TESK2: variants seen among roughly 807,000 people sequenced by gnomAD.
TESK2 encodes the protein dual specificity testis-specific protein kinase 2.
TESK2 carries 39 observed loss-of-function variants against 57.1 expected under a neutral mutation model. The observed-to-expected ratio is 0.68, with a 90% confidence interval of 0.53 to 0.89. TESK2 has a LOEUF of 0.89. Among genes scored for constraint, TESK2 ranks in the 40% least tolerant of loss-of-function variants. The pLI, the probability that TESK2 is intolerant of heterozygous loss-of-function variation, is 0.00. For missense variants in TESK2, 646 were observed against 732.1 expected (o/e 0.88, Z 1.36); for synonymous variants, 249 against 267.9 (o/e 0.93, Z 0.69).
chr1:45,430,885 G>T (rs535417281), intron 2 of TESK2, among the ~76,000 whole-genome samples: 2 of 152,306 alleles, frequency 1.3e-5, no homozygotes, highest in East Asian at 3.9e-4. Flanking sequence ...TTAGCGTAAA[G>T]AGCTACAGTT....
chr1:45,381,447 T>C (rs1648649135), intron 4 of TESK2, among the ~76,000 whole-genome samples: 1 of 152,166 alleles, frequency 6.6e-6, no homozygotes, highest in Non-Finnish European at 1.5e-5. Flanking sequence ...TGAAAATCAG[T>C]TGTGCAAATG....
intron 3 of TESK2, among the ~76,000 whole-genome samples, chr1:45,411,770 G>A (rs368901929): frequency 6.6e-6 from 1 of 152,152 alleles, no homozygotes; most frequent in Non-Finnish European, 1.5e-5. Context: ...CTGCCTCTTT[G>A]GCATGGCTGG....
Position 45,347,664 on chromosome 1 carries a change from C to CCCA in TESK2, c.650_652dup (p.Val217dup). The CCCA allele has an allele frequency of 6.2e-7, 1 of 1,614,114 alleles. No individual in the cohort carries two copies. Among genetic ancestry groups the CCCA allele is most frequent in the Non-Finnish European group, 8.5e-7 (1 of 1,180,018 alleles). ...CTCAGGTGCCATCCAGAATGGGGAA[C>CCCA]CCACCACGGCCAGCTTCTCACTCCC... On this transcript the variant is annotated inframe_insertion, in exon 7 of 11. Transcript: ENST00000372086.
chr1:45,449,400 G>C (rs970798101), intron 2 of TESK2, among the ~76,000 whole-genome samples: 4 of 152,108 alleles, frequency 2.6e-5, no homozygotes, highest in African/African-American at 4.8e-5. Context: ...ACACATGCGT[G>C]TTGACAGCAG....
intron 4 of TESK2, among the ~76,000 whole-genome samples, chr1:45,380,018 C>A (rs1358034992): frequency 1.3e-5 from 2 of 152,202 alleles, no homozygotes; most frequent in South Asian, 4.1e-4. Context: ...CCTGCCTCAG[C>A]CTCCGGAGTA....
chr1:45,485,428 C>T (rs1019567844), intron 1 of TESK2, among the ~76,000 whole-genome samples: 6 of 152,046 alleles, frequency 3.9e-5, no homozygotes, highest in Non-Finnish European at 7.4e-5. Flanking sequence ...ACCTCGTGAT[C>T]CGCCCGCCTC....
chr1:45,448,250 A>AG (rs1332500943), intron 2 of TESK2, among the ~76,000 whole-genome samples: 2 of 149,764 alleles, frequency 1.3e-5, no homozygotes, highest in African/African-American at 2.4e-5. Context: ...AAAAAAAAAA[A>AG]AAAAAGAAAA....
intron 2 of TESK2, among the ~76,000 whole-genome samples, chr1:45,436,986 T>C (rs180740777): frequency 1.5e-4 from 22 of 150,666 alleles, no homozygotes; most frequent in Admixed American, 7.3e-4. Context: ...TTAGTAGAGA[T>C]AGGGTTTCAC....
intron 3 of TESK2, among the ~76,000 whole-genome samples, chr1:45,405,789 T>G (rs1450609948): frequency 6.6e-6 from 1 of 151,872 alleles, no homozygotes; most frequent in Non-Finnish European, 1.5e-5. Context: ...GAGGATGATT[T>G]TAGCCCAGCA....
chr1:45,417,717 G>A (rs764861245), intron 3 of TESK2, among the ~76,000 whole-genome samples: 116 of 151,562 alleles, frequency 7.7e-4, no homozygotes, highest in Non-Finnish European at 1.4e-3. Flanking sequence ...TCAGCCTCCC[G>A]AGTGGCTGGG....
At chr1:45,404,845 T>C (rs1649771907) in intron 3 of TESK2, among the ~76,000 whole-genome samples, 1 of 152,084 alleles carries the variant, frequency 6.6e-6, no homozygotes, top group Admixed American at 6.6e-5. Flanking sequence ...ACCAGGCCTA[T>C]TTCTATTTTA....
chr1:45,463,585 T>A (rs1421391219), intron 1 of TESK2, among the ~76,000 whole-genome samples: 1 of 152,242 alleles, frequency 6.6e-6, no homozygotes, highest in Middle Eastern at 3.4e-3. Context: ...TCTGGTTTTT[T>A]GTTTTTGTTT....
At chr1:45,454,916 C>A (rs1652012981) in intron 2 of TESK2, among the ~76,000 whole-genome samples, 1 of 152,020 alleles carries the variant, frequency 6.6e-6, no homozygotes, top group Admixed American at 6.6e-5. Flanking sequence ...ATTATATTAA[C>A]CCACTTATAT....
intron 3 of TESK2, among the ~76,000 whole-genome samples, chr1:45,394,877 G>T (rs556684783): frequency 6.6e-6 from 1 of 150,936 alleles, no homozygotes; most frequent in Admixed American, 6.6e-5. Context: ...TAGTAGAGAC[G>T]GGGTGTTTCA....
chr1:45,477,492 G>A (rs1318346701), intron 1 of TESK2, among the ~76,000 whole-genome samples: 1 of 151,744 alleles, frequency 6.6e-6, no homozygotes, highest in Non-Finnish European at 1.5e-5. Context: ...CATGATGGCG[G>A]GTGCCTGTAA....
At chr1:45,429,553 T>A (rs1650863494) in intron 2 of TESK2, among the ~76,000 whole-genome samples, 1 of 152,094 alleles carries the variant, frequency 6.6e-6, no homozygotes, top group Admixed American at 6.6e-5. Flanking sequence ...TGACAAAATT[T>A]ATCAAAATGC....
At chr1:45,386,891 A>T (rs376962058) in intron 3 of TESK2, among the ~76,000 whole-genome samples, 1 of 152,042 alleles carries the variant, frequency 6.6e-6, no homozygotes, top group Non-Finnish European at 1.5e-5. Context: ...TGACCTTGTG[A>T]TCCACCCGCC....
chr1:45,396,343 G>A (rs559173590), intron 3 of TESK2, among the ~76,000 whole-genome samples: 21 of 151,766 alleles, frequency 1.4e-4, no homozygotes, highest in East Asian at 3.9e-4. Context: ...TGATCCACCC[G>A]CCTCAGCCTC....
chr1:45,425,568 T>C (rs1043969989), intron 2 of TESK2, among the ~76,000 whole-genome samples: 9 of 151,934 alleles, frequency 5.9e-5, no homozygotes, highest in African/African-American at 1.9e-4. Context: ...GGTGGGAGGA[T>C]TGCTTGAGCC....
Sources: gnomAD v4.1 joint callset for allele counts (sites outside exome capture counted in the v4.1 genomes callset) on GRCh38, gnomAD v4.1.1 for gene constraint, MANE v1.5 for transcripts, NCBI Gene and HGNC (gene_info 2026-07-23, HGNC 2026-07-21) for gene names.